The following NAALADL2 variants were observed in gnomAD, a reference collection of about 807,000 sequenced individuals.
The protein encoded by NAALADL2 is N-acetylated alpha-linked acidic dipeptidase like 2.
A neutral mutation model predicts 87.2 loss-of-function variants in NAALADL2; 76 were observed. The ratio of observed to expected loss-of-function variants is 0.87; its 90% CI spans 0.72 to 1.05. NAALADL2 has a LOEUF of 1.05. Among genes scored for constraint, NAALADL2 ranks in the 50% least tolerant of loss-of-function variants. The pLI is 0.00. For missense variants in NAALADL2, 1,089 were observed against 945.8 expected (o/e 1.15, Z -1.99); for synonymous variants, 354 against 331.0 (o/e 1.07, Z -0.75).
intron 1 of NAALADL2, among the ~76,000 whole-genome samples, chr3:175,043,652 G>T (rs893037473): frequency 6.6e-6 from 1 of 152,108 alleles, no homozygotes; most frequent in African/African-American, 2.4e-5. Context: ...TCCACATTGT[G>T]TATTTTTGGT....
chr3:174,871,903 T>A (rs574456105), intron 1 of NAALADL2, among the ~76,000 whole-genome samples: 42 of 151,650 alleles, frequency 2.8e-4, no homozygotes, highest in African/African-American at 1.0e-3. Context: ...TGTTTCAAAA[T>A]AAATAAATAA....
At chr3:175,673,209 G>T (rs926906711) in intron 11 of NAALADL2, among the ~76,000 whole-genome samples, 1 of 151,984 alleles carries the variant, frequency 6.6e-6, no homozygotes, top group Non-Finnish European at 1.5e-5. Flanking sequence ...TCTCTTGTGA[G>T]AATAAAACTT....
chr3:175,746,678 CT>C (rs199606195), intron 12 of NAALADL2, among the ~76,000 whole-genome samples: 2,320 of 152,196 alleles, frequency 0.015, 27 homozygotes, highest in Non-Finnish European at 0.023. Flanking sequence ...TAAAACTTAC[CT>C]TTTTCATTTG....
chr3:175,569,963 GT>G (rs1379818021), intron 9 of NAALADL2, among the ~76,000 whole-genome samples: 1 of 152,064 alleles, frequency 6.6e-6, no homozygotes, highest in Non-Finnish European at 1.5e-5. Flanking sequence ...ATAAGGATTT[GT>G]CTCATGTGGT....
intron 10 of NAALADL2, among the ~76,000 whole-genome samples, chr3:175,588,805 T>C (rs1007226398): frequency 3.3e-5 from 5 of 152,166 alleles, no homozygotes; most frequent in African/African-American, 9.7e-5. Context: ...CCCAAAGTGC[T>C]GGGATTATAG....
At chr3:174,970,813 T>A (rs1273728522) in intron 1 of NAALADL2, among the ~76,000 whole-genome samples, 1 of 152,202 alleles carries the variant, frequency 6.6e-6, no homozygotes, top group Non-Finnish European at 1.5e-5. Context: ...TAACCCTTTC[T>A]CACATGTTCA....
intron 2 of NAALADL2, among the ~76,000 whole-genome samples, chr3:174,657,746 T>A (rs1440658073): frequency 6.6e-6 from 1 of 152,186 alleles, no homozygotes; most frequent in Non-Finnish European, 1.5e-5. Context: ...TACAACAGTA[T>A]TTCCACTGCC....
intron 1 of NAALADL2, among the ~76,000 whole-genome samples, chr3:174,957,187 C>A (rs753944492): frequency 3.9e-5 from 6 of 152,012 alleles, no homozygotes; most frequent in Non-Finnish European, 5.9e-5. Flanking sequence ...TAACAGGGCT[C>A]TAAAGCAATC....
At chr3:175,206,174 T>C (rs531055044) in intron 2 of NAALADL2, among the ~76,000 whole-genome samples, 117 of 149,326 alleles carry the variant, frequency 7.8e-4, no homozygotes, top group Non-Finnish European at 1.3e-3. Flanking sequence ...CAATTCACAA[T>C]TGAAAAATCG....
At chr3:174,610,410 T>C (rs1333273781) in intron 2 of NAALADL2, among the ~76,000 whole-genome samples, 14 of 151,458 alleles carry the variant, frequency 9.2e-5, no homozygotes, top group Non-Finnish European at 2.1e-4. Flanking sequence ...TTTCGCAACC[T>C]ACTCATCTGA....
At chr3:174,605,178 G>A (rs915545344) in intron 2 of NAALADL2, among the ~76,000 whole-genome samples, 3 of 152,170 alleles carry the variant, frequency 2.0e-5, no homozygotes, top group Admixed American at 2.0e-4. Flanking sequence ...AAAACTAGGG[G>A]GTCGAGCCAA....
chr3:175,437,831 G>T (rs1463944912), intron 5 of NAALADL2, among the ~76,000 whole-genome samples: 1 of 152,032 alleles, frequency 6.6e-6, no homozygotes, highest in Admixed American at 6.6e-5. Flanking sequence ...GTATCAGAAT[G>T]CATATTTTGC....
chr3:174,707,876 T>G (rs534942077), intron 2 of NAALADL2, among the ~76,000 whole-genome samples: 1 of 152,122 alleles, frequency 6.6e-6, no homozygotes, highest in Non-Finnish European at 1.5e-5. Flanking sequence ...GGAAAATATT[T>G]GCACATCATG....
At chr3:174,609,412 A>T (rs1465691395) in intron 2 of NAALADL2, among the ~76,000 whole-genome samples, 1 of 151,884 alleles carries the variant, frequency 6.6e-6, no homozygotes, top group Non-Finnish European at 1.5e-5. Context: ...TATCTAGAAA[A>T]CCCCATTGTC....
intron 1 of NAALADL2, among the ~76,000 whole-genome samples, chr3:174,494,357 G>T (rs984417243): frequency 6.6e-6 from 1 of 151,924 alleles, no homozygotes; most frequent in Non-Finnish European, 1.5e-5. Flanking sequence ...TGTAATGGGG[G>T]AGCAGCTAGA....
intron 1 of NAALADL2, among the ~76,000 whole-genome samples, chr3:174,961,564 G>T (rs1386060738): frequency 2.6e-5 from 4 of 152,050 alleles, no homozygotes; most frequent in Admixed American, 6.6e-5. Context: ...AGAGGAGATA[G>T]TGTAGATTTT....
At chr3:174,893,326 A>G in intron 1 of NAALADL2, among the ~76,000 whole-genome samples, 1 of 147,966 alleles carries the variant, frequency 6.8e-6, no homozygotes, top group Middle Eastern at 3.2e-3. Flanking sequence ...CCCCGCAAAA[A>G]GTTATTATTG....
At chr3:175,618,766 G>A (rs548897749) in intron 10 of NAALADL2, among the ~76,000 whole-genome samples, 3 of 152,038 alleles carry the variant, frequency 2.0e-5, no homozygotes, top group Admixed American at 1.3e-4. Flanking sequence ...ATGTGAGTGC[G>A]AATTCCACCC....
chr3:175,054,900 G>T (rs570678433), intron 1 of NAALADL2, among the ~76,000 whole-genome samples: 1 of 152,296 alleles, frequency 6.6e-6, no homozygotes, highest in East Asian at 1.9e-4. Context: ...TATAGGTACA[G>T]AAGTTATAAT....
Sources: allele counts gnomAD v4.1 joint callset (sites outside exome capture counted in the v4.1 genomes callset), GRCh38; gene constraint gnomAD v4.1.1; transcripts MANE v1.5; gene names NCBI Gene and HGNC (gene_info 2026-07-23, HGNC 2026-07-21).